NBAS: variants seen among roughly 807,000 people sequenced by gnomAD.
NBAS encodes NBAS subunit of NRZ tethering complex, also known as NAG/BC035112 fusion.
In NBAS, 219 loss-of-function variants were observed where a neutral mutation model predicts 302.5. That is an observed-to-expected ratio of 0.72 (90% CI 0.65 to 0.81). The LOEUF is 0.81. Ranked by LOEUF, NBAS falls within the 30% of genes least tolerant of loss-of-function variation. The probability of loss-of-function intolerance (pLI) is 0.00; values close to 1 mark genes in which losing one functional copy is unlikely to be tolerated. For synonymous variants in NBAS, 1,118 were observed against 1,021.6 expected (o/e 1.09, Z -1.80); for missense variants, 2,932 against 2,841.6 (o/e 1.03, Z -0.72).
intron 30 of NBAS, 42 bp from the exon 31 acceptor site, chr2:15,374,762 G>A: frequency 6.7e-7 from 1 of 1,502,960 alleles, no homozygotes; most frequent in Non-Finnish European, 9.3e-7. Flanking sequence ...AGCAACATAT[G>A]TTCACCTTTC....
chr2:14,928,138 G>T, the NBAS span, among the ~76,000 whole-genome samples: 1 of 152,156 alleles, frequency 6.6e-6, no homozygotes, highest in Non-Finnish European at 1.5e-5. Context: ...TGCTATTTCA[G>T]AAATATACAA....
At chr2:15,198,723 C>T (rs1665731720) in intron 48 of NBAS, among the ~76,000 whole-genome samples, 1 of 152,190 alleles carries the variant, frequency 6.6e-6, no homozygotes. Context: ...GATTAATATA[C>T]ATTTCTTGCA....
the NBAS span, among the ~76,000 whole-genome samples, chr2:14,972,120 A>G: frequency 6.6e-6 from 1 of 152,260 alleles, no homozygotes; most frequent in East Asian, 1.9e-4. Context: ...CTACGCAGCC[A>G]TAAAAAGGAA....
chr2:15,415,794 G>A, intron 24 of NBAS, 75 bp from the exon 25 acceptor site: 6 of 1,509,810 alleles, frequency 4.0e-6, no homozygotes, highest in Non-Finnish European at 5.5e-6. Context: ...CAGACAGCGA[G>A]TTCTAAAGCT....
At chr2:14,887,332 G>A in the NBAS span, among the ~76,000 whole-genome samples, 5 of 149,554 alleles carry the variant, frequency 3.3e-5, no homozygotes, top group Non-Finnish European at 5.9e-5. Flanking sequence ...TGAACCAGGA[G>A]GTGGAGGTTG....
chr2:14,849,721 C>G, the NBAS span, among the ~76,000 whole-genome samples: 10 of 142,408 alleles, frequency 7.0e-5, no homozygotes, highest in Non-Finnish European at 1.2e-4. Context: ...ATCAGACTAA[C>G]AGCAGATCTC....
the NBAS span, among the ~76,000 whole-genome samples, chr2:14,958,150 T>C: frequency 6.6e-6 from 1 of 152,352 alleles, no homozygotes; most frequent in South Asian, 2.1e-4. Flanking sequence ...CTTCTTGTGA[T>C]TGCCCCAGAG....
intron 32 of NBAS, among the ~76,000 whole-genome samples, chr2:15,358,111 T>C (rs1192939203): frequency 2.0e-5 from 3 of 152,104 alleles, no homozygotes; most frequent in Non-Finnish European, 4.4e-5. Flanking sequence ...ACCCATTATT[T>C]AAGGTAACTA....
chr2:15,442,468 C>G (rs534261669), intron 21 of NBAS, among the ~76,000 whole-genome samples: 1 of 151,960 alleles, frequency 6.6e-6, no homozygotes, highest in East Asian at 1.9e-4. Context: ...AACAAAGACA[C>G]AACATACCAG....
chr2:15,534,265 C>T lies in NBAS; in HGVS notation c.746+278G>A, dbSNP rs13002869. 0.64 allele frequency among the ~76,000 whole-genome samples: 96,946 copies of T among 151,914 alleles called. 31,654 individuals carry two copies. The highest frequency in any genetic ancestry group is 0.68 in the Non-Finnish European group (46,026 of 67,938). ...AATTCTCTTGAGTTATGTATCATACCCATTTTACAGATGAGAAAAATAAGG... is the reference window on the plus strand; with the variant it reads ...AATTCTCTTGAGTTATGTATCATACTCATTTTACAGATGAGAAAAATAAGG... On this transcript the variant is annotated intron_variant, in intron 9 of 51. Transcript: ENST00000281513.
At position 15,417,528 on chromosome 2, in the gene NBAS, C is replaced by A. The variant is rs1427934530; in HGVS notation, c.2762G>T (p.Ser921Ile). The change falls in exon 24 of 52, where the codon AGT (serine) becomes ATT (isoleucine). Residue 921 changes from serine (S) to isoleucine (I), a missense_variant and splice_region_variant. Transcript: ENST00000281513. ...DIEKLRLLMN[S>I]CSEDKYVTSA... The stretch of plus-strand genomic sequence containing the variant: ...AAAGGAAGTTAAAATAAAACCTACA[C>A]TATTCATCAGTAATCTTAGTTTTTC... 1.2e-6 allele frequency: 2 copies of A among 1,610,632 alleles called. No individual in the cohort carries two copies. The highest frequency in any genetic ancestry group is 1.7e-5 in the Admixed American group (1 of 59,986).
chr2:15,555,293 T>C lies in NBAS; in HGVS notation c.210-1155A>G, dbSNP rs972188368. On this transcript the variant is annotated intron_variant, in intron 3 of 51. Coordinates refer to ENST00000281513, the MANE Select transcript of NBAS (RefSeq NM_015909.4). ...AAAAAAAAAATTAGTAATATACATGTAGTACATTTACGCTCATTTTTTAAA... is the reference window on the plus strand; with the variant it reads ...AAAAAAAAAATTAGTAATATACATGCAGTACATTTACGCTCATTTTTTAAA... Among the ~76,000 whole-genome samples, 5 of 151,184 alleles carry C rather than the reference T, an allele frequency of 3.3e-5. No individual in the cohort carries two copies. In the South Asian group the frequency reaches 6.2e-4, roughly 19 times the overall value.
the NBAS span, among the ~76,000 whole-genome samples, chr2:14,787,920 C>T: frequency 6.6e-6 from 1 of 152,196 alleles, no homozygotes; most frequent in Non-Finnish European, 1.5e-5. Context: ...AGAGTGTTTT[C>T]CAACTTGGTT....
the NBAS span, among the ~76,000 whole-genome samples, chr2:15,021,243 A>G: frequency 6.6e-6 from 1 of 151,884 alleles, no homozygotes; most frequent in African/African-American, 2.4e-5. Flanking sequence ...CTTGTCTAAA[A>G]AAAAAATTGT....
intron 35 of NBAS, among the ~76,000 whole-genome samples, chr2:15,335,445 G>A (rs1433496867): frequency 6.6e-6 from 1 of 152,162 alleles, no homozygotes; most frequent in Non-Finnish European, 1.5e-5. Context: ...TATTACACTA[G>A]CCAGCAATTG....
chr2:15,173,069 G>T (rs1380561166), intron 51 of NBAS, among the ~76,000 whole-genome samples: 1 of 152,150 alleles, frequency 6.6e-6, no homozygotes, highest in East Asian at 1.9e-4. Flanking sequence ...CATGAGAAAA[G>T]GATTTTCTAG....
the NBAS span, among the ~76,000 whole-genome samples, chr2:15,048,083 G>C: frequency 6.6e-6 from 1 of 152,320 alleles, no homozygotes; most frequent in South Asian, 2.1e-4. Context: ...GGAAACAGCA[G>C]GGAGAAAAAC....
chr2:15,224,209 C>T (rs1017496064), intron 47 of NBAS, among the ~76,000 whole-genome samples: 1 of 151,866 alleles, frequency 6.6e-6, no homozygotes, highest in African/African-American at 2.4e-5. Context: ...AAGACATTCA[C>T]AAAAGTACAA....
chr2:15,272,545 T>A (rs2148046524), intron 44 of NBAS, among the ~76,000 whole-genome samples: 1 of 152,300 alleles, frequency 6.6e-6, no homozygotes, highest in Non-Finnish European at 1.5e-5. Flanking sequence ...ATACTTCTCC[T>A]TTCTGAACTA....
Sources: allele counts gnomAD v4.1 joint callset (sites outside exome capture counted in the v4.1 genomes callset), GRCh38; gene constraint gnomAD v4.1.1; transcripts MANE v1.5; gene names NCBI Gene and HGNC (gene_info 2026-07-23, HGNC 2026-07-21).